GRIK2: variants seen among roughly 807,000 people sequenced by gnomAD.
The protein encoded by GRIK2 is glutamate receptor ionotropic, kainate 2.
GRIK2 carries 32 observed loss-of-function variants against 100.3 expected under a neutral mutation model. The observed-to-expected ratio is 0.32, with a 90% CI of 0.24 to 0.43. The LOEUF (loss-of-function observed/expected upper bound fraction) is 0.43, where lower values mean the gene tolerates loss of function less well. GRIK2 is among the 20% of genes least tolerant of loss of function. The pLI is 1.00. For missense variants in GRIK2, 843 were observed against 1,114.9 expected (o/e 0.76, Z 3.47); for synonymous variants, 417 against 389.4 (o/e 1.07, Z -0.83).
intron 2 of GRIK2, among the ~76,000 whole-genome samples, chr6:101,435,177 A>G (rs557682029): frequency 2.6e-4 from 39 of 152,092 alleles, no homozygotes; most frequent in Non-Finnish European, 4.7e-4. Flanking sequence ...TTTTTAATAT[A>G]GTGTGACTCA....
intron 11 of GRIK2, among the ~76,000 whole-genome samples, chr6:101,862,599 T>C (rs1336742167): frequency 6.6e-6 from 1 of 151,756 alleles, no homozygotes; most frequent in Non-Finnish European, 1.5e-5. Context: ...TTATTATTAT[T>C]ATTATTTTAG....
At chr6:102,022,797 A>G (rs1769499085) in intron 14 of GRIK2, among the ~76,000 whole-genome samples, 2 of 151,660 alleles carry the variant, frequency 1.3e-5, no homozygotes, top group South Asian at 4.1e-4. Context: ...AAATGGGTAG[A>G]AAACTAGCTG....
At chr6:101,826,390 G>T (rs1015613629) in intron 10 of GRIK2, among the ~76,000 whole-genome samples, 2 of 152,042 alleles carry the variant, frequency 1.3e-5, no homozygotes, top group Admixed American at 1.3e-4. Flanking sequence ...AGACGTAAAG[G>T]TTAAAAGCCT....
rs552589802 is a variant in GRIK2, at chr6:101,555,780, A to AT, written c.116-66162dup. 2.2e-3 allele frequency among the ~76,000 whole-genome samples: 341 copies of AT among 152,248 alleles called. 1 individual carries two copies. The highest frequency in any genetic ancestry group is 6.8e-3 in the Middle Eastern group (2 of 292). On this transcript the variant is annotated intron_variant, in intron 2 of 16. Transcript: ENST00000369134. ...TTGATCTTTTTGATTGCATTACTCA[A>AT]TTTTTTTATCTGTTTCTATTGAGGT...
rs60301711 is a variant in GRIK2 at position 101,719,138 on chromosome 6, G to GTTTTTT, written c.951+32818_951+32823dup. Among the ~76,000 whole-genome samples, 162 of 101,112 alleles carry GTTTTTT rather than the reference G, an allele frequency of 1.6e-3. 12 individuals are homozygous for GTTTTTT. Among genetic ancestry groups the GTTTTTT allele is most frequent in the African/African-American group, 7.2e-3 (144 of 20,096 alleles). The allele number at this position is 101,112 out of a possible 152,430, so 66.3% of individuals were successfully genotyped here. ...CTGAAATGTGCAACAGGCTGCAAGG[G>GTTTTTT]TTTTTTTTTTTTTTTTTTTTTTTTT... On this transcript the variant is annotated intron_variant, in intron 7 of 16. Coordinates refer to ENST00000369134, the MANE Select transcript of GRIK2 (RefSeq NM_021956.5).
At chr6:101,771,685 C>T (rs1778416602) in intron 7 of GRIK2, among the ~76,000 whole-genome samples, 1 of 112,198 alleles carries the variant, frequency 8.9e-6, no homozygotes, top group Non-Finnish European at 1.7e-5. Context: ...CTCCCCCCTC[C>T]CCCCACCCCA....
intron 14 of GRIK2, among the ~76,000 whole-genome samples, chr6:102,021,570 C>T (rs1016990713): frequency 4.6e-5 from 7 of 151,338 alleles, no homozygotes; most frequent in Non-Finnish European, 7.4e-5. Context: ...TATTAAAACC[C>T]ATTAATAATA....
intron 1 of GRIK2, among the ~76,000 whole-genome samples, chr6:101,397,825 G>A (rs1348552543): frequency 6.6e-6 from 1 of 151,926 alleles, no homozygotes; most frequent in African/African-American, 2.4e-5. Context: ...ATAAGATATA[G>A]GTCCAACAGT....
intron 6 of GRIK2, among the ~76,000 whole-genome samples, chr6:101,685,752 TA>T (rs1771633070): frequency 6.6e-6 from 1 of 151,238 alleles, no homozygotes; most frequent in African/African-American, 2.4e-5. Context: ...ACTTGCTTTC[TA>T]AAAACAACAA....
intron 4 of GRIK2, among the ~76,000 whole-genome samples, chr6:101,631,349 C>T (rs943935585): frequency 2.0e-4 from 31 of 152,118 alleles, no homozygotes; most frequent in Admixed American, 5.9e-4. Flanking sequence ...GATCAGCAGT[C>T]CATTAACAAA....
intron 7 of GRIK2, among the ~76,000 whole-genome samples, chr6:101,797,241 T>TATTTCCATTAC (rs1465457604): frequency 6.6e-6 from 1 of 151,524 alleles, no homozygotes; most frequent in Non-Finnish European, 1.5e-5. Flanking sequence ...TCTTAAAAAC[T>TATTTCCATTAC]GTGGAAAATA....
intron 2 of GRIK2, among the ~76,000 whole-genome samples, chr6:101,595,558 T>C (rs1484632602): frequency 6.6e-6 from 1 of 151,444 alleles, no homozygotes; most frequent in African/African-American, 2.4e-5. Flanking sequence ...CTTTCTTGAA[T>C]GTAAGAATAG....
chr6:101,755,588 AAT>A (rs1322786572), intron 7 of GRIK2, among the ~76,000 whole-genome samples: 3 of 152,174 alleles, frequency 2.0e-5, no homozygotes, highest in Admixed American at 1.3e-4. Context: ...AATGGGAGAA[AAT>A]GAGTTCCATC....
At chr6:101,961,534 G>C (rs1792300950) in intron 14 of GRIK2, among the ~76,000 whole-genome samples, 1 of 152,100 alleles carries the variant, frequency 6.6e-6, no homozygotes, top group African/African-American at 2.4e-5. Context: ...ATCCATCTTT[G>C]TTCCCAGGCA....
chr6:101,912,609 A>G (rs1161163301), intron 12 of GRIK2, among the ~76,000 whole-genome samples: 2 of 151,368 alleles, frequency 1.3e-5, no homozygotes, highest in African/African-American at 2.4e-5. Flanking sequence ...TATTGTGCCT[A>G]CTCCTCAGTT....
At chr6:101,805,741 G>GTTAT in intron 9 of GRIK2, among the ~76,000 whole-genome samples, 1 of 151,882 alleles carries the variant, frequency 6.6e-6, no homozygotes, top group East Asian at 2.0e-4. Context: ...CTGAAAAGAA[G>GTTAT]GTCATTTTGT....
chr6:101,949,146 A>G (rs556177912), intron 14 of GRIK2, among the ~76,000 whole-genome samples: 2 of 151,824 alleles, frequency 1.3e-5, no homozygotes, highest in South Asian at 4.1e-4. Context: ...CTGGCTATCC[A>G]TGATGGAAAG....
At chr6:101,442,439 G>A (rs1048834764) in intron 2 of GRIK2, among the ~76,000 whole-genome samples, 19 of 152,208 alleles carry the variant, frequency 1.2e-4, no homozygotes, top group African/African-American at 2.9e-4. Flanking sequence ...CAGTCAGTGC[G>A]CCGGCTGGTT....
intron 2 of GRIK2, among the ~76,000 whole-genome samples, chr6:101,473,609 T>G (rs1224028345): frequency 6.6e-6 from 1 of 151,860 alleles, no homozygotes; most frequent in Admixed American, 6.6e-5. Context: ...TCTTATATAT[T>G]ATTTTTCCCA....
Sources: allele counts gnomAD v4.1 joint callset (sites outside exome capture counted in the v4.1 genomes callset), GRCh38; gene constraint gnomAD v4.1.1; transcripts MANE v1.5; gene names NCBI Gene and HGNC (gene_info 2026-07-23, HGNC 2026-07-21).